The following C1orf174 variants were observed in gnomAD, a reference collection of about 807,000 sequenced individuals.
The protein encoded by C1orf174 is chromosome 1 open reading frame 174.
Under a neutral mutation model 18.4 loss-of-function variants are expected in C1orf174, and 13 were observed. The observed-to-expected ratio is 0.71, with a 90% CI of 0.46 to 1.12. C1orf174 has a LOEUF of 1.12. Ranked by LOEUF, C1orf174 falls within the 50% of genes most tolerant of loss-of-function variation. The probability of loss-of-function intolerance (pLI) is 0.00; values close to 1 mark genes in which losing one functional copy is unlikely to be tolerated. For missense variants in C1orf174, 309 were observed against 308.0 expected (o/e 1.00, Z -0.02); for synonymous variants, 100 against 118.3 (o/e 0.85, Z 1.01).
At chr1:3,895,467 G>A (rs1358292698) in intron 1 of C1orf174, 1 of 152,272 alleles carries the variant, frequency 6.6e-6, no homozygotes, top group African/African-American at 2.4e-5. Flanking sequence ...GGTTCATCAG[G>A]TGGACCTTTT....
intron 1 of C1orf174, among the ~76,000 whole-genome samples, chr1:3,897,578 G>A (rs1323405868): frequency 1.3e-5 from 2 of 152,222 alleles, no homozygotes; most frequent in Non-Finnish European, 2.9e-5. Context: ...CACCAGGAAT[G>A]CAGAGAGAAA....
intron 1 of C1orf174, among the ~76,000 whole-genome samples, chr1:3,893,672 A>T (rs905456117): frequency 2.0e-5 from 3 of 152,352 alleles, no homozygotes; most frequent in Non-Finnish European, 4.4e-5. Context: ...AGGTAGGAGG[A>T]TCGCTCGAGC....
chr1:3,890,001 T>C lies in C1orf174; in HGVS notation c.691A>G (p.Lys231Glu). Residue 231 changes from lysine (K) to glutamate (E), a missense_variant, in exon 4 of 4, where the codon AAA (lysine) becomes GAA (glutamate). Physicochemically the swap from Lys to Glu is moderately conservative, Grantham distance 56. Transcript: ENST00000361605. ...REFRKMHFRA[K>E]DDDDDDDDDA... is the part of the protein sequence containing the mutation. ...TCGTCGTCGTCATCATCATCATCTT[T>C]GGCTCTGAAATGCATTTTTCTGAAC... 3 of 1,614,242 alleles carry C rather than the reference T, an allele frequency of 1.9e-6. No homozygotes were observed. The highest frequency in any genetic ancestry group is 4.5e-5 in the East Asian group (2 of 44,892).
intron 1 of C1orf174, among the ~76,000 whole-genome samples, chr1:3,898,382 C>T (rs1381399706): frequency 6.6e-6 from 1 of 152,130 alleles, no homozygotes; most frequent in Non-Finnish European, 1.5e-5. Context: ...TAGTGGCAGC[C>T]TCCTGTAATC....
In C1orf174 at chr1:3,889,700, G is replaced by GAA. The variant is rs59405380; in HGVS notation, c.*258_*259dup. On this transcript the variant is annotated 3_prime_UTR_variant, in exon 4 of 4. Transcript: ENST00000361605. Reference sequence around the variant, plus strand: ...ACAAGAGAGAAACTCTGTCTCCAAGGAAAAAAAAAAAAAAAAAAAAAGAAA... The same window carrying GAA: ...ACAAGAGAGAAACTCTGTCTCCAAGGAAAAAAAAAAAAAAAAAAAAAAAGAAA... The GAA allele has an allele frequency of 4.6e-3, 675 of 146,066 alleles. 1 individual carries two copies. The highest frequency in any genetic ancestry group is 8.7e-3 in the South Asian group (80 of 9,150). The allele number at this position is 146,066 out of a possible 1,614,324, so 9.0% of individuals were successfully genotyped here.
chr1:3,890,463 A>T, intron 3 of C1orf174, 106 bp downstream of exon 3: 1 of 1,437,744 alleles, frequency 7.0e-7, no homozygotes, highest in Non-Finnish European at 9.4e-7. Flanking sequence ...GTTTATGTTT[A>T]ATGTTGTGTC....
chr1:3,893,043 A>C (rs117984899), intron 1 of C1orf174, 47 bp from the exon 2 acceptor site: 2 of 1,590,726 alleles, frequency 1.3e-6, no homozygotes, highest in African/African-American at 2.7e-5. Flanking sequence ...GGAAGGCAGC[A>C]TGAACATGTA....
chr1:3,890,216 C>T lies in C1orf174; in HGVS notation c.619-143G>A, dbSNP rs547070206. 1.9e-3 allele frequency: 1,313 copies of T among 677,262 alleles called. 30 individuals are homozygous for T. In the South Asian group the frequency reaches 0.023, roughly 12 times the overall value. The allele number at this position is 677,262 out of a possible 1,614,324, so 42.0% of individuals were successfully genotyped here. On this transcript the variant is annotated intron_variant, in intron 3 of 3. Transcript: ENST00000361605. The stretch of plus-strand genomic sequence containing the variant: ...GTGAAAATGCCTGAGTCCCAGCACT[C>T]GCCTCTAGATGAGAACTTCCTCCCT...
chr1:3,890,808 C>G lies in C1orf174; in HGVS notation c.379G>C (p.Val127Leu), dbSNP rs140012569. Residue 127 changes from valine to leucine, a missense_variant, in exon 3 of 4, where the codon GTG becomes CTG. Physicochemically the swap from Val to Leu is conservative, Grantham distance 32. Coordinates refer to ENST00000361605, the MANE Select transcript of C1orf174 (RefSeq NM_207356.3). ...ASLPLGGCRV[V>L]SDSRLAKTRD... ...GTCTTTGCTAAGCGAGAGTCACTCA[C>G]AACTCTGCAGCCACCGAGAGGAAGA... The G allele has an allele frequency of 1.8e-5, 29 of 1,611,590 alleles. No individual in the cohort carries two copies. Among genetic ancestry groups the G allele is most frequent in the Non-Finnish European group, 2.5e-5 (29 of 1,179,440 alleles).
chr1:3,899,968 C>A (rs1319695628), intron 1 of C1orf174, among the ~76,000 whole-genome samples: 1 of 152,120 alleles, frequency 6.6e-6, no homozygotes, highest in Admixed American at 6.5e-5. Context: ...CCGGAGCCCC[C>A]TTTTCACAGG....
chr1:3,890,829 G>A lies in C1orf174; in HGVS notation c.358C>T (p.Pro120Ser), dbSNP rs1432316935. The A allele has an allele frequency of 4.3e-6, 7 of 1,613,448 alleles. No homozygotes were observed. The highest frequency in any genetic ancestry group is 1.1e-5 in the South Asian group (1 of 91,082). ...VSVQQGAASLPLGGCRVVSDS... is the reference protein window; with the variant it reads ...VSVQQGAASLSLGGCRVVSDS... Reference sequence around the variant, plus strand: ...CTCACAACTCTGCAGCCACCGAGAGGAAGACTTGCAGCCCCCTGCTGCACA... The same window carrying A: ...CTCACAACTCTGCAGCCACCGAGAGAAAGACTTGCAGCCCCCTGCTGCACA... Residue 120 changes from proline (P) to serine (S), a missense_variant, in exon 3 of 4, where the codon CCT (proline) becomes TCT (serine). By Grantham distance (74) the Pro-to-Ser change is moderately conservative (BLOSUM62 -1). Transcript: ENST00000361605.
At position 3,892,929 on chromosome 1, in the gene C1orf174, G is replaced by C; in HGVS notation, c.83C>G (p.Ser28Cys). 6.2e-7 allele frequency: 1 copy of C among 1,614,216 alleles called. No individual in the cohort carries two copies. The highest frequency in any genetic ancestry group is 8.5e-7 in the Non-Finnish European group (1 of 1,180,040). Residue 28 changes from serine to cysteine, a missense_variant, in exon 2 of 4, where the codon TCT becomes TGT. Ser to Cys is a moderately radical substitution (Grantham distance 112). Coordinates refer to ENST00000361605, the MANE Select transcript of C1orf174 (RefSeq NM_207356.3). ...ARSCSAARLA[S>C]AQEVAGSTSA... ...CGTGGAACCAGCAACTTCCTGGGCA[G>C]AGGCCAACCTGGCTGCCGAACAACT...
At chr1:3,896,895 A>G (rs1400370365) in intron 1 of C1orf174, among the ~76,000 whole-genome samples, 1 of 152,026 alleles carries the variant, frequency 6.6e-6, no homozygotes, top group African/African-American at 2.4e-5. Flanking sequence ...GAGGAAAAGG[A>G]CCTCACTAAA....
At chr1:3,895,752 T>C (rs1638595496) in intron 1 of C1orf174, 2 of 152,260 alleles carry the variant, frequency 1.3e-5, no homozygotes, top group Non-Finnish European at 2.9e-5. Context: ...GCTGGGCAGC[T>C]TGGACTGCTC....
Position 3,890,814 on chromosome 1 carries a change from T to C in C1orf174, c.373A>G (p.Arg125Gly). Residue 125 changes from arginine (R) to glycine (G), a missense_variant, in exon 3 of 4, where the codon AGA becomes GGA. By Grantham distance (125) the Arg-to-Gly change is moderately radical. Coordinates refer to ENST00000361605, the MANE Select transcript of C1orf174 (RefSeq NM_207356.3). ...GAASLPLGGC[R>G]VVSDSRLAKT... is the part of the protein sequence containing the mutation. ...GCTAAGCGAGAGTCACTCACAACTCTGCAGCCACCGAGAGGAAGACTTGCA... is the reference window on the plus strand; with the variant it reads ...GCTAAGCGAGAGTCACTCACAACTCCGCAGCCACCGAGAGGAAGACTTGCA... The C allele has an allele frequency of 6.2e-7, 1 of 1,607,938 alleles. No homozygotes were observed. The highest frequency in any genetic ancestry group is 1.7e-5 in the Admixed American group (1 of 59,430).
At chr1:3,891,530 A>ATGATACG in intron 2 of C1orf174, 1 of 941,456 alleles carries the variant, frequency 1.1e-6, no homozygotes, top group East Asian at 1.1e-4. Flanking sequence ...AATTTTACCA[A>ATGATACG]GCACCTCATC....
chr1:3,893,135 T>G, intron 1 of C1orf174, 139 bp from the exon 2 acceptor site: 1 of 854,228 alleles, frequency 1.2e-6, no homozygotes, highest in Non-Finnish European at 1.8e-6. Flanking sequence ...GAGACAGCTG[T>G]GGCCCGAATG....
intron 2 of C1orf174, 188 bp downstream of exon 2, chr1:3,892,695 G>C: frequency 7.0e-7 from 1 of 1,438,258 alleles, no homozygotes; most frequent in Non-Finnish European, 9.1e-7. Context: ...GCCAGCCCTG[G>C]CCTGCAGAGT....
intron 2 of C1orf174, 47 bp from the exon 3 acceptor site, chr1:3,891,104 A>G: frequency 6.4e-7 from 1 of 1,553,424 alleles, no homozygotes; most frequent in Non-Finnish European, 8.6e-7. Context: ...TCTAGCAAAT[A>G]AAACAGGCCT....
Sources: gnomAD v4.1 joint callset for allele counts (sites outside exome capture counted in the v4.1 genomes callset) on GRCh38, gnomAD v4.1.1 for gene constraint, MANE v1.5 for transcripts, NCBI Gene and HGNC (gene_info 2026-07-23, HGNC 2026-07-21) for gene names.